Variants in DDX47 observed in about 807,000 individuals in gnomAD.
DDX47 encodes the protein DEAD-box helicase 47.
Under a neutral mutation model 58.8 loss-of-function variants are expected in DDX47, and 60 were observed. That is an observed-to-expected ratio of 1.02 (90% CI 0.83 to 1.26). The LOEUF is 1.26. Ranked by LOEUF, DDX47 falls within the 50% of genes most tolerant of loss-of-function variation. The pLI is 0.00. For synonymous variants in DDX47, 197 were observed against 204.6 expected, an observed-to-expected ratio of 0.96 and a Z score of 0.32; for missense variants, 530 against 573.2, an observed-to-expected ratio of 0.92 and a Z score of 0.77.
chr12:12,825,258 T>C (rs1007938095), intron 9 of DDX47, among the ~76,000 whole-genome samples: 5 of 152,164 alleles, frequency 3.3e-5, no homozygotes, highest in South Asian at 2.1e-4. Context: ...TGAGCCACCG[T>C]GCCCGGCCTA....
intron 11 of DDX47, 104 bp from the exon 12 acceptor site, chr12:12,829,319 C>T (rs1565449229): frequency 2.3e-6 from 3 of 1,287,580 alleles, no homozygotes; most frequent in East Asian, 5.0e-5. Flanking sequence ...TGTCAGGCAT[C>T]AGCAAGTTAC....
At position 12,817,876 on chromosome 12, in the gene DDX47, A is replaced by G. The variant is rs137972589; in HGVS notation, c.182-3332A>G. ...CAGCTGTAGGCAGTGAGCAGTGCTT[A>G]TTGCTTCATGAACTAAGCGACTTCA... On this transcript the variant is annotated intron_variant, in intron 2 of 11. Coordinates refer to ENST00000358007, the MANE Select transcript of DDX47 (RefSeq NM_016355.4). 5.1e-3 allele frequency among the ~76,000 whole-genome samples: 776 copies of G among 152,304 alleles called. 9 individuals are homozygous for G. The highest frequency in any genetic ancestry group is 0.018 in the African/African-American group (742 of 41,568).
At chr12:12,823,094 T>A (rs2136423338) in intron 6 of DDX47, 109 bp from the exon 7 acceptor site, 1 of 766,024 alleles carries the variant, frequency 1.3e-6, no homozygotes, top group Non-Finnish European at 2.3e-6. Context: ...CCGTGACATG[T>A]GGGGATTACA....
chr12:12,825,191 TCTC>T (rs1283491843), intron 9 of DDX47: 1 of 153,088 alleles, frequency 6.5e-6, no homozygotes, highest in Non-Finnish European at 1.5e-5. Flanking sequence ...ACGGTCTTGA[TCTC>T]CTGACCTCGT....
At chr12:12,823,782 G>C (rs1489138283) in intron 7 of DDX47, 88 bp from the exon 8 acceptor site, 1 of 1,319,180 alleles carries the variant, frequency 7.6e-7, no homozygotes, top group African/African-American at 1.5e-5. Context: ...AGCGACTATA[G>C]GCTTAGTCTT....
In DDX47 at chr12:12,823,946, C is replaced by G. The variant is rs762112479; in HGVS notation, c.827C>G (p.Thr276Ser). 3 of 1,614,070 alleles carry G rather than the reference C, an allele frequency of 1.9e-6. No individual in the cohort carries two copies. The Admixed American group carries it at 5.0e-5, about 27-fold the overall frequency. ...FMIFCSTCNN[T>S]QRTALLLRNL... ...ATATTCTGCAGCACCTGTAATAATA[C>G]CCAGAGAACAGCTTTGCTACTGCGA... Residue 276 changes from threonine (T) to serine (S), a missense_variant, in exon 8 of 12, where the codon ACC becomes AGC. Coordinates refer to ENST00000358007, the MANE Select transcript of DDX47 (RefSeq NM_016355.4).
chr12:12,823,258 C>T lies in DDX47; in HGVS notation c.689C>T (p.Ser230Phe). 1 of 1,613,960 alleles carries T rather than the reference C, an allele frequency of 6.2e-7. No homozygotes were observed. Among genetic ancestry groups the T allele is most frequent in the South Asian group, 1.1e-5 (1 of 91,078 alleles). ...LKNPVKCAVSSKYQTVEKLQQ... is the reference protein window; with the variant it reads ...LKNPVKCAVSFKYQTVEKLQQ... ...AATCCTGTGAAATGTGCCGTTTCCT[C>T]TAAATACCAGACAGTTGAAAAATTA... The change falls in exon 7 of 12, where the codon TCT (serine) becomes TTT (phenylalanine). Residue 230 changes from serine (S) to phenylalanine (F), a missense_variant. Transcript: ENST00000358007.
Position 12,823,870 on chromosome 12 carries a change from G to T in DDX47, c.751G>T (p.Asp251Tyr). The T allele has an allele frequency of 6.2e-7, 1 of 1,613,130 alleles. No individual in the cohort carries two copies. Among genetic ancestry groups the T allele is most frequent in the Non-Finnish European group, 8.5e-7 (1 of 1,179,610 alleles). Residue 251 changes from aspartate to tyrosine, a missense_variant and splice_region_variant, in exon 8 of 12, where the codon GAT becomes TAT. Physicochemically the swap from Asp to Tyr is radical, Grantham distance 160 (BLOSUM62 -3). Coordinates refer to ENST00000358007, the MANE Select transcript of DDX47 (RefSeq NM_016355.4). ...YYIFIPSKFKDTYLVYILNEL... is the reference protein window; with the variant it reads ...YYIFIPSKFKYTYLVYILNEL... ...ATATTGTTTTGGGTTTGTAACTTAG[G>T]ATACCTACCTGGTTTATATTCTAAA...
chr12:12,814,040 G>C, intron 1 of DDX47, 91 bp from the exon 2 acceptor site: 1 of 817,924 alleles, frequency 1.2e-6, no homozygotes, highest in African/African-American at 1.7e-5. Flanking sequence ...CAAATACAAT[G>C]GTTGTACATG....
Position 12,829,536 on chromosome 12 carries a change from G to T in DDX47, c.1350G>T (p.Lys450Asn). Residue 450 changes from lysine (K) to asparagine (N), a missense_variant, in exon 12 of 12, where the codon AAG becomes AAT. Physicochemically the swap from Lys to Asn is moderately conservative, Grantham distance 94. Coordinates refer to ENST00000358007, the MANE Select transcript of DDX47 (RefSeq NM_016355.4). Reference protein sequence around the residue: ...VRNKVAGGKMKKRKGR With the variant: ...VRNKVAGGKMNKRKGR The stretch of plus-strand genomic sequence containing the variant: ...ACAAGGTGGCTGGAGGAAAAATGAA[G>T]AAGCGGAAAGGCCGTTAATCACTTT... The T allele has an allele frequency of 6.2e-7, 1 of 1,613,824 alleles. No individual in the cohort carries two copies.
Position 12,814,211 on chromosome 12 carries a change from T to G in DDX47, c.168T>G (p.Pro56=), listed in dbSNP as rs770804101. Residue 56 remains proline (P), a synonymous_variant, in exon 2 of 12, where the codon CCT becomes CCG. Coordinates refer to ENST00000358007, the MANE Select transcript of DDX47 (RefSeq NM_016355.4). The part of the protein sequence containing the change: ...KPTKIQIEAI[P]LALQGRDIIG... ...CCAAGATCCAGATTGAAGCTATTCC[T>G]TTGGCCTTACAAGGTAGGTTGTATG... The G allele has an allele frequency of 3.1e-6, 5 of 1,609,490 alleles. No homozygotes were observed. Among genetic ancestry groups the G allele is most frequent in the South Asian group, 1.1e-5 (1 of 90,994 alleles).
rs750046911 is a variant in DDX47, at chr12:12,824,565, A to T, written c.923A>T (p.Lys308Met). 6.2e-7 allele frequency: 1 copy of T among 1,612,522 alleles called. No homozygotes were observed. Among genetic ancestry groups the T allele is most frequent in the Non-Finnish European group, 8.5e-7 (1 of 1,179,604 alleles). The part of the protein sequence containing the change: ...SQSKRLGSLN[K>M]FKAKARSILL... ...AGTAAGCGCCTAGGATCCCTTAATA[A>T]GTTTAAGGCCAAGGCCCGTTCCATT... The change falls in exon 9 of 12, where the codon AAG becomes ATG. Residue 308 changes from lysine (K) to methionine (M), a missense_variant. Coordinates refer to ENST00000358007, the MANE Select transcript of DDX47 (RefSeq NM_016355.4).
intron 1 of DDX47, among the ~76,000 whole-genome samples, chr12:12,813,869 A>C (rs61913643): frequency 0.06 from 9,079 of 152,268 alleles, 407 homozygotes; most frequent in East Asian, 0.23. Flanking sequence ...AGTAATAAGT[A>C]CTTACCTCGC....
rs761602436 is a variant in DDX47 at position 12,821,907 on chromosome 12, TG to T, written c.443-57del. The T allele has an allele frequency of 3.1e-3, 3,936 of 1,282,392 alleles. 2 individuals are homozygous for T. Among genetic ancestry groups the T allele is most frequent in the Non-Finnish European group, 3.9e-3 (3,517 of 895,892 alleles). 79.4% of individuals were successfully genotyped at this position (1,282,392 alleles called of 1,614,324 possible). Reference sequence around the variant, plus strand: ...GATAACTTTATTTGTTTATTTGTTTTGTTTTTTTTTTGTCCTGTTCTGAAAT... The same window carrying T: ...GATAACTTTATTTGTTTATTTGTTTTTTTTTTTTTTGTCCTGTTCTGAAAT... On this transcript the variant is annotated intron_variant, in intron 4 of 11. Transcript: ENST00000358007.
chr12:12,820,850 A>C, intron 2 of DDX47: 1 of 277,042 alleles, frequency 3.6e-6, no homozygotes, highest in South Asian at 3.7e-5. Flanking sequence ...TTACAGGAAT[A>C]TCCTTTCTTC....
intron 2 of DDX47, among the ~76,000 whole-genome samples, chr12:12,819,781 C>G (rs561443249): frequency 6.6e-6 from 1 of 152,082 alleles, no homozygotes; most frequent in African/African-American, 2.4e-5. Context: ...TTGAGTGTCC[C>G]GTACTAAAAA....
Position 12,827,378 on chromosome 12 carries a change from A to T in DDX47, c.1236+3A>T. On this transcript the variant is annotated splice_donor_region_variant and intron_variant, in intron 11 of 11. Coordinates refer to ENST00000358007, the MANE Select transcript of DDX47 (RefSeq NM_016355.4). ...AAGCCCAAAGGTTTGCCCGAATGGT[A>T]TGCATCTTTCTTTTCTCACCAGTGT... is the stretch of plus-strand genomic sequence containing the variant. 1 of 1,613,992 alleles carries T rather than the reference A, an allele frequency of 6.2e-7. No individual in the cohort carries two copies. Among genetic ancestry groups the T allele is most frequent in the Non-Finnish European group, 8.5e-7 (1 of 1,179,966 alleles).
rs1045988343 is a variant in DDX47 at position 12,829,870 on chromosome 12, A to G, written c.*316A>G. ...AAGGACTAGGTTGATGATGCCCATGACCTGTAATTGTAAAGAAGCTTGGAC... is the reference window on the plus strand; with the variant it reads ...AAGGACTAGGTTGATGATGCCCATGGCCTGTAATTGTAAAGAAGCTTGGAC... On this transcript the variant is annotated 3_prime_UTR_variant, in exon 12 of 12. Transcript: ENST00000358007. 5.1e-6 allele frequency: 1 copy of G among 194,258 alleles called. No homozygotes were observed. Among genetic ancestry groups the G allele is most frequent in the African/African-American group, 2.3e-5 (1 of 43,130 alleles). The allele number at this position is 194,258 out of a possible 1,614,324, so 12.0% of individuals were successfully genotyped here.
intron 8 of DDX47, 155 bp from the exon 9 acceptor site, chr12:12,824,385 C>T: frequency 2.0e-5 from 14 of 687,316 alleles, no homozygotes; most frequent in East Asian, 6.1e-5. Context: ...TTGTTGCTTC[C>T]ATATTTCTGT....
Sources: allele counts gnomAD v4.1 joint callset (sites outside exome capture counted in the v4.1 genomes callset), GRCh38; gene constraint gnomAD v4.1.1; transcripts MANE v1.5; gene names NCBI Gene and HGNC (gene_info 2026-07-23, HGNC 2026-07-21).